Variants in STK3 observed in about 807,000 individuals in gnomAD.
STK3 encodes serine/threonine kinase 3, also known as serine/threonine-protein kinase 3.
A neutral mutation model predicts 58.0 loss-of-function variants in STK3; 41 were observed. The observed-to-expected ratio is 0.71, with a 90% CI of 0.55 to 0.92. STK3 has a LOEUF of 0.92. Ranked by LOEUF, STK3 falls within the 40% of genes least tolerant of loss-of-function variation. STK3 has a pLI of 0.00. For missense variants in STK3, 479 were observed against 602.7 expected (o/e 0.79, Z 2.15); for synonymous variants, 170 against 191.0 (o/e 0.89, Z 0.91).
At chr8:98,942,068 CT>C (rs987920763) in intron 1 of STK3, among the ~76,000 whole-genome samples, 6 of 152,356 alleles carry the variant, frequency 3.9e-5, no homozygotes, top group Non-Finnish European at 7.3e-5. Context: ...CCGAGGGCTG[CT>C]GGGGGCGGGC....
At chr8:98,927,852 T>C (rs780224296) in intron 1 of STK3, among the ~76,000 whole-genome samples, 18 of 152,206 alleles carry the variant, frequency 1.2e-4, no homozygotes, top group Non-Finnish European at 2.2e-4. Context: ...AATGAGGCCA[T>C]ATATTATGAA....
chr8:98,862,602 A>T (rs1229078441), intron 3 of STK3, among the ~76,000 whole-genome samples: 1 of 152,232 alleles, frequency 6.6e-6, no homozygotes, highest in Non-Finnish European at 1.5e-5. Context: ...TGCCAGACCG[A>T]ACAGGACTTT....
chr8:98,823,043 A>G (rs1351906014), intron 1 of STK3, among the ~76,000 whole-genome samples: 1 of 152,252 alleles, frequency 6.6e-6, no homozygotes, highest in East Asian at 1.9e-4. Flanking sequence ...TAAAGCGTCC[A>G]GCTAGAAGGT....
At chr8:98,862,725 G>A (rs1587766769) in intron 3 of STK3, among the ~76,000 whole-genome samples, 1 of 152,228 alleles carries the variant, frequency 6.6e-6, no homozygotes, top group Non-Finnish European at 1.5e-5. Flanking sequence ...AAAGGAGGGC[G>A]CTGGTATCAG....
Position 98,767,297 on chromosome 8 carries a change from T to C in STK3, c.182A>G (p.Glu61Gly), listed in dbSNP as rs1356927652. 1.6e-5 allele frequency: 25 copies of C among 1,612,558 alleles called. No individual in the cohort carries two copies. Among genetic ancestry groups the C allele is most frequent in the Non-Finnish European group, 2.0e-5 (24 of 1,179,668 alleles). The change falls in exon 3 of 11, where the codon GAA (glutamate) becomes GGA (glycine). Residue 61 changes from glutamate (E) to glycine (G), a missense_variant. By Grantham distance (98) the Glu-to-Gly change is moderately conservative (BLOSUM62 -2). Coordinates refer to ENST00000419617, the MANE Select transcript of STK3 (RefSeq NM_006281.4). The part of the protein sequence containing the change: ...QVVAIKQVPV[E>G]SDLQEIIKEI... ...TTTGATTATTTCCTGAAGATCTGAT[T>C]CAACAGGTACTTGTTTAATTGCGAC...
At chr8:98,379,508 GCT>G in intron 1 of STK3, among the ~76,000 whole-genome samples, 1 of 152,156 alleles carries the variant, frequency 6.6e-6, no homozygotes, top group Non-Finnish European at 1.5e-5. Flanking sequence ...CCCACACTGT[GCT>G]GACCATCTTG....
chr8:98,475,061 T>C (rs1331933804), intron 10 of STK3, among the ~76,000 whole-genome samples: 1 of 152,126 alleles, frequency 6.6e-6, no homozygotes, highest in East Asian at 1.9e-4. Flanking sequence ...TTCAGAAAAA[T>C]GAGTCAATAT....
At chr8:98,826,924 G>A (rs556114941), upstream of STK3, among the ~76,000 whole-genome samples, 53 of 137,062 alleles carry the variant, frequency 3.9e-4, 2 homozygotes, top group African/African-American at 1.4e-3. Flanking sequence ...TTGGGAGGCT[G>A]AGGCAAGAGA....
intron 3 of STK3, among the ~76,000 whole-genome samples, chr8:98,840,442 C>G: frequency 6.7e-6 from 1 of 148,604 alleles, no homozygotes; most frequent in Non-Finnish European, 1.5e-5. Flanking sequence ...TGTGGTGGCA[C>G]CTGTCTGTAG....
intron 6 of STK3, among the ~76,000 whole-genome samples, chr8:98,682,003 G>A (rs978324254): frequency 6.6e-6 from 1 of 152,204 alleles, no homozygotes; most frequent in Non-Finnish European, 1.5e-5. Flanking sequence ...GCATTCCCAA[G>A]TAACAAAATT....
chr8:98,407,745 TGTGTGTGTGTGTGC>T (rs991644458), intron 3 of STK3, among the ~76,000 whole-genome samples: 5 of 118,832 alleles, frequency 4.2e-5, no homozygotes, highest in South Asian at 2.6e-4. Context: ...TGTGTGTGTG[TGTGTGTGTGTGTGC>T]GCGCGCGCGC....
intron 10 of STK3, among the ~76,000 whole-genome samples, chr8:98,518,268 G>C (rs1825088871): frequency 6.6e-6 from 1 of 151,942 alleles, no homozygotes; most frequent in South Asian, 2.1e-4. Flanking sequence ...TTTAACTTAA[G>C]GTATTAATTA....
chr8:98,482,309 T>A (rs1351396413), intron 10 of STK3, among the ~76,000 whole-genome samples: 1 of 152,218 alleles, frequency 6.6e-6, no homozygotes, highest in East Asian at 1.9e-4. Context: ...AGCTAAATGT[T>A]CTCAAAACAA....
At chr8:98,465,481 G>T (rs1230362000) in intron 10 of STK3, among the ~76,000 whole-genome samples, 1 of 152,128 alleles carries the variant, frequency 6.6e-6, no homozygotes, top group African/African-American at 2.4e-5. Context: ...TTACTTATAA[G>T]CTATTCATGT....
At chr8:98,449,813 C>T (rs547456717), downstream of STK3, among the ~76,000 whole-genome samples, 10 of 152,240 alleles carry the variant, frequency 6.6e-5, no homozygotes, top group Admixed American at 2.6e-4. Context: ...GTTAGTTCTC[C>T]GGAAATGGAT....
chr8:98,424,563 G>A (rs1256453163), intron 3 of STK3, among the ~76,000 whole-genome samples: 7 of 152,294 alleles, frequency 4.6e-5, no homozygotes, highest in East Asian at 1.9e-4. Context: ...TGGGGTGGCC[G>A]TGGGTGTGGA....
intron 10 of STK3, among the ~76,000 whole-genome samples, chr8:98,462,525 A>C (rs1407250864): frequency 6.6e-6 from 1 of 152,122 alleles, no homozygotes; most frequent in Non-Finnish European, 1.5e-5. Flanking sequence ...TGCTGTATTT[A>C]TTTTAAAAAT....
At chr8:98,405,802 C>G (rs1817987639) in intron 3 of STK3, among the ~76,000 whole-genome samples, 1 of 152,134 alleles carries the variant, frequency 6.6e-6, no homozygotes, top group Admixed American at 6.5e-5. Flanking sequence ...TGGCAGCAGG[C>G]AAACAGAGAC....
intron 1 of STK3, among the ~76,000 whole-genome samples, chr8:98,379,936 T>C (rs1461651104): frequency 6.6e-6 from 1 of 152,212 alleles, no homozygotes; most frequent in Non-Finnish European, 1.5e-5. Context: ...GAAAATGTGG[T>C]AATTACATAC....
Sources: allele counts gnomAD v4.1 joint callset (sites outside exome capture counted in the v4.1 genomes callset), GRCh38; gene constraint gnomAD v4.1.1; transcripts MANE v1.5; gene names NCBI Gene and HGNC (gene_info 2026-07-23, HGNC 2026-07-21).